The following PCDH15 variants were observed in gnomAD, a reference collection of about 807,000 sequenced individuals.
The protein encoded by PCDH15 is protocadherin-15.
In PCDH15, 129 loss-of-function variants were observed where a neutral mutation model predicts 178.5. That is an observed-to-expected ratio of 0.72 (90% CI 0.63 to 0.84). The LOEUF is 0.84. PCDH15 is among the 40% of genes least tolerant of loss of function. PCDH15 has a pLI of 0.00. For missense variants in PCDH15, 2,230 were observed against 2,099.9 expected (o/e 1.06, Z -1.21); for synonymous variants, 800 against 732.0 (o/e 1.09, Z -1.50).
chr10:55,289,682 C>T (rs1210218890), intron 1 of PCDH15, among the ~76,000 whole-genome samples: 2 of 152,006 alleles, frequency 1.3e-5, no homozygotes, highest in African/African-American at 4.8e-5. Flanking sequence ...TTTAATTAAT[C>T]TATCTATCTA....
intron 1 of PCDH15, among the ~76,000 whole-genome samples, chr10:54,676,877 TC>T (rs2094799816): frequency 6.6e-6 from 1 of 152,198 alleles, no homozygotes; most frequent in Non-Finnish European, 1.5e-5. Context: ...AAATCAAGGA[TC>T]TTTTGTGGAT....
chr10:54,362,632 G>A (rs1307096224), intron 5 of PCDH15, among the ~76,000 whole-genome samples: 2 of 151,950 alleles, frequency 1.3e-5, no homozygotes, highest in Non-Finnish European at 2.9e-5. Flanking sequence ...GACCCTTTGC[G>A]TTGATCCTTA....
chr10:54,330,429 A>G (rs911610832), intron 6 of PCDH15, among the ~76,000 whole-genome samples: 8 of 151,958 alleles, frequency 5.3e-5, no homozygotes, highest in African/African-American at 1.7e-4. Flanking sequence ...TAATCTAAAC[A>G]TAGAAAAGGT....
At chr10:54,897,158 CTT>C (rs1353011213) in intron 3 of PCDH15, among the ~76,000 whole-genome samples, 1 of 152,158 alleles carries the variant, frequency 6.6e-6, no homozygotes, top group Non-Finnish European at 1.5e-5. Context: ...GCAAGAAAGT[CTT>C]TGTTGGATGG....
chr10:54,623,768 T>G (rs1484427746), intron 2 of PCDH15, among the ~76,000 whole-genome samples: 6 of 152,120 alleles, frequency 3.9e-5, no homozygotes, highest in African/African-American at 1.4e-4. Context: ...ACCATTAAAA[T>G]TTTTATGAGC....
At chr10:55,605,508 G>T (rs1843195337) in intron 2 of PCDH15, among the ~76,000 whole-genome samples, 1 of 150,920 alleles carries the variant, frequency 6.6e-6, no homozygotes, top group South Asian at 2.1e-4. Context: ...TAAAATACTG[G>T]CAAACCAAAT....
At chr10:55,620,244 T>G (rs1367621136) in intron 2 of PCDH15, among the ~76,000 whole-genome samples, 1 of 152,050 alleles carries the variant, frequency 6.6e-6, no homozygotes, top group African/African-American at 2.4e-5. Context: ...TAAGAACACA[T>G]GACATATTTC....
At chr10:54,038,771 C>G (rs1267442263) in intron 18 of PCDH15, among the ~76,000 whole-genome samples, 1 of 151,956 alleles carries the variant, frequency 6.6e-6, no homozygotes, top group Non-Finnish European at 1.5e-5. Context: ...TAACAAGCCT[C>G]TATCTTGGAT....
At chr10:54,915,585 G>A (rs1954888371) in intron 2 of PCDH15, among the ~76,000 whole-genome samples, 1 of 152,154 alleles carries the variant, frequency 6.6e-6, no homozygotes, top group Non-Finnish European at 1.5e-5. Flanking sequence ...ACTGATAGGT[G>A]TGCACAGTAG....
chr10:55,414,386 C>T (rs905692602), intron 2 of PCDH15, among the ~76,000 whole-genome samples: 5 of 151,636 alleles, frequency 3.3e-5, no homozygotes, highest in South Asian at 4.2e-4. Flanking sequence ...ATTCATTTCA[C>T]CCATCAGTTC....
intron 2 of PCDH15, among the ~76,000 whole-genome samples, chr10:55,588,963 C>A (rs568018304): frequency 1.3e-5 from 2 of 151,714 alleles, no homozygotes; most frequent in Non-Finnish European, 2.9e-5. Flanking sequence ...TGCCTGTAAT[C>A]CCAGCTACTC....
chr10:55,191,547 T>G lies in PCDH15; in HGVS notation c.-155-24896A>C, dbSNP rs567311356. ...TTGCTATCAGATCTAAATTCAAATC[T>G]AGAGGTATGGCTTACTCATGTAAAA... On this transcript the variant is annotated intron_variant, in intron 1 of 5. Coordinates refer to the PCDH15 transcript ENST00000458638. Among the ~76,000 whole-genome samples, 161 of 152,024 alleles carry G rather than the reference T, an allele frequency of 1.1e-3. 1 individual carries two copies. Among genetic ancestry groups the G allele is most frequent in the Non-Finnish European group, 1.9e-3 (128 of 67,878 alleles).
intron 2 of PCDH15, among the ~76,000 whole-genome samples, chr10:54,636,049 TAAC>T (rs1207125662): frequency 2.0e-5 from 3 of 151,872 alleles, no homozygotes; most frequent in East Asian, 1.9e-4. Context: ...AAAAAGTAAG[TAAC>T]GTTAATAATT....
chr10:53,842,880 C>T (rs1372473527), intron 28 of PCDH15, among the ~76,000 whole-genome samples: 1 of 152,136 alleles, frequency 6.6e-6, no homozygotes. Flanking sequence ...CAATTTATGC[C>T]TTCTCCAGTG....
chr10:54,902,620 G>A lies in PCDH15; in HGVS notation c.-79-5120C>T, dbSNP rs916124337. 5.9e-5 allele frequency among the ~76,000 whole-genome samples: 9 copies of A among 152,086 alleles called. No homozygotes were observed. The South Asian group carries it at 6.2e-4, about 11-fold the overall frequency. On this transcript the variant is annotated intron_variant, in intron 2 of 5. Transcript: ENST00000458638. The stretch of plus-strand genomic sequence containing the variant: ...TTCTCTTTATAAATTACCCAGTTTC[G>A]GGTAGTTCTTTATAGCAGTGTGCAA...
At chr10:53,925,189 G>T (rs957623979) in intron 25 of PCDH15, among the ~76,000 whole-genome samples, 7 of 152,066 alleles carry the variant, frequency 4.6e-5, no homozygotes, top group African/African-American at 1.7e-4. Context: ...TTGGTTCCAC[G>T]CTGCCTTTAT....
intron 1 of PCDH15, among the ~76,000 whole-genome samples, chr10:54,709,954 A>G (rs1186581424): frequency 6.7e-6 from 1 of 149,194 alleles, no homozygotes; most frequent in Non-Finnish European, 1.5e-5. Context: ...TATATATATT[A>G]CATATTTATA....
At chr10:53,843,024 A>G (rs2077754559) in intron 28 of PCDH15, among the ~76,000 whole-genome samples, 2 of 152,212 alleles carry the variant, frequency 1.3e-5, no homozygotes, top group Non-Finnish European at 2.9e-5. Context: ...ATACTGCAGA[A>G]TCATTTCACT....
At chr10:54,335,555 A>T (rs1053865416) in intron 6 of PCDH15, among the ~76,000 whole-genome samples, 19 of 152,288 alleles carry the variant, frequency 1.2e-4, no homozygotes, top group African/African-American at 4.6e-4. Flanking sequence ...GTGGTAGTGA[A>T]TAAGTCTCAT....
Sources: gnomAD v4.1 joint callset for allele counts (sites outside exome capture counted in the v4.1 genomes callset) on GRCh38, gnomAD v4.1.1 for gene constraint, MANE v1.5 for transcripts, NCBI Gene and HGNC (gene_info 2026-07-23, HGNC 2026-07-21) for gene names.